The following KDM4C variants were observed in gnomAD, a reference collection of about 807,000 sequenced individuals.
The protein encoded by KDM4C is lysine-specific demethylase 4C.
A neutral mutation model predicts 129.3 loss-of-function variants in KDM4C; 81 were observed. The ratio of observed to expected loss-of-function variants is 0.63; its 90% CI spans 0.52 to 0.75. The LOEUF is 0.75. Among genes scored for constraint, KDM4C ranks in the 30% least tolerant of loss-of-function variants. KDM4C has a pLI of 0.00. For missense variants in KDM4C, 1,457 were observed against 1,304.0 expected (o/e 1.12, Z -1.81); for synonymous variants, 573 against 456.1 (o/e 1.26, Z -3.26).
At chr9:6,811,152 TG>T (rs1321150401) in intron 3 of KDM4C, among the ~76,000 whole-genome samples, 1 of 152,134 alleles carries the variant, frequency 6.6e-6, no homozygotes, top group Non-Finnish European at 1.5e-5. Context: ...GGTTTTCTGC[TG>T]GGCTGTCTTT....
intron 8 of KDM4C, among the ~76,000 whole-genome samples, chr9:6,935,355 C>G (rs1824572978): frequency 6.6e-6 from 1 of 151,830 alleles, no homozygotes; most frequent in South Asian, 2.1e-4. Context: ...GATTTTTATT[C>G]AATTTTTATA....
At chr9:7,016,229 A>G (rs921255205) in intron 15 of KDM4C, among the ~76,000 whole-genome samples, 8 of 150,928 alleles carry the variant, frequency 5.3e-5, no homozygotes, top group Non-Finnish European at 8.9e-5. Flanking sequence ...CCAGGTTCAC[A>G]CCATTCTCCT....
intron 15 of KDM4C, among the ~76,000 whole-genome samples, chr9:7,017,443 C>T (rs1283947620): frequency 6.6e-6 from 1 of 152,102 alleles, no homozygotes; most frequent in Non-Finnish European, 1.5e-5. Context: ...TAAAAATTTA[C>T]CTTACTACTT....
chr9:6,917,189 G>T (rs1046003803), intron 8 of KDM4C, among the ~76,000 whole-genome samples: 2 of 152,142 alleles, frequency 1.3e-5, no homozygotes, highest in Admixed American at 1.3e-4. Context: ...GGCAGCCCCT[G>T]CCTCCCTTAC....
chr9:6,732,587 C>T (rs185860025), intron 1 of KDM4C, among the ~76,000 whole-genome samples: 1 of 152,132 alleles, frequency 6.6e-6, no homozygotes, highest in East Asian at 1.9e-4. Context: ...GGAAGCCAGA[C>T]ATTGTTCATG....
intron 17 of KDM4C, among the ~76,000 whole-genome samples, chr9:7,082,778 C>T (rs954584571): frequency 1.3e-5 from 2 of 152,152 alleles, no homozygotes; most frequent in Non-Finnish European, 2.9e-5. Context: ...TTTTGTCAAG[C>T]ATTTGCAGTA....
intron 5 of KDM4C, among the ~76,000 whole-genome samples, chr9:6,855,116 T>C (rs959439467): frequency 1.3e-5 from 2 of 152,194 alleles, no homozygotes; most frequent in African/African-American, 4.8e-5. Flanking sequence ...ATACATGGCA[T>C]GAAGTGTTTT....
At chr9:7,077,808 A>T (rs1004598331) in intron 17 of KDM4C, among the ~76,000 whole-genome samples, 1 of 152,224 alleles carries the variant, frequency 6.6e-6, no homozygotes, top group South Asian at 2.1e-4. Flanking sequence ...CTACAGAGAA[A>T]GATGTCTATC....
intron 15 of KDM4C, among the ~76,000 whole-genome samples, chr9:7,040,298 CTTCCCTCCCTCCCTCTGTCTCTCT>C (rs1458660987): frequency 1.3e-5 from 2 of 148,636 alleles, no homozygotes. Flanking sequence ...TTTCCCTTTC[CTTCCCTCCCTCCCTCTGTCTCTCT>C]TTCCCTCCCT....
At chr9:6,725,718 T>C (rs1817102656) in intron 1 of KDM4C, among the ~76,000 whole-genome samples, 1 of 148,720 alleles carries the variant, frequency 6.7e-6, no homozygotes, top group Non-Finnish European at 1.5e-5. Context: ...TTTCTTTTTT[T>C]TTTTTTTTTG....
chr9:6,993,956 A>G (rs566415653), intron 12 of KDM4C, among the ~76,000 whole-genome samples: 1 of 144,892 alleles, frequency 6.9e-6, no homozygotes, highest in Non-Finnish European at 1.5e-5. Flanking sequence ...CTTTCTGTTC[A>G]GACCATCATT....
intron 8 of KDM4C, among the ~76,000 whole-genome samples, chr9:6,955,756 G>T (rs1828954321): frequency 6.6e-6 from 1 of 152,130 alleles, no homozygotes; most frequent in South Asian, 2.1e-4. Context: ...CAGTTGTGGA[G>T]AAAAATACAC....
intron 8 of KDM4C, among the ~76,000 whole-genome samples, chr9:6,905,355 C>G (rs980481444): frequency 1.2e-4 from 18 of 152,146 alleles, no homozygotes; most frequent in Non-Finnish European, 2.2e-4. Flanking sequence ...AATTTCCCCT[C>G]AAACTGACTC....
In KDM4C at chr9:6,816,880, G is replaced by A. The variant is rs553640173; in HGVS notation, c.435+2135G>A. Among the ~76,000 whole-genome samples the A allele has an allele frequency of 6.1e-5, 9 of 147,912 alleles. No individual in the cohort carries two copies. In the South Asian group the frequency reaches 1.3e-3, roughly 21 times the overall value. The stretch of plus-strand genomic sequence containing the variant: ...TTTTTTGGCTTAAGTTCCCTTTTCT[G>A]TGGTTTTAGTGATTCTTACTGGTTT... On this transcript the variant is annotated intron_variant, in intron 4 of 21. Coordinates refer to ENST00000381309, the MANE Select transcript of KDM4C (RefSeq NM_015061.6).
At chr9:6,834,286 C>G (rs998997403) in intron 4 of KDM4C, among the ~76,000 whole-genome samples, 4 of 152,122 alleles carry the variant, frequency 2.6e-5, no homozygotes, top group African/African-American at 9.7e-5. Context: ...ATCTGCTCGC[C>G]TTGGCCTCCC....
At chr9:7,030,964 A>AAT (rs1236830885) in intron 15 of KDM4C, among the ~76,000 whole-genome samples, 1 of 152,074 alleles carries the variant, frequency 6.6e-6, no homozygotes, top group Non-Finnish European at 1.5e-5. Context: ...AAAAGCATTT[A>AAT]TTTTACTCTG....
At chr9:6,831,435 C>G (rs556925687) in intron 4 of KDM4C, among the ~76,000 whole-genome samples, 13 of 152,148 alleles carry the variant, frequency 8.5e-5, no homozygotes, top group East Asian at 7.7e-4. Flanking sequence ...CTCCGTCTCC[C>G]TGGATCAAGT....
intron 8 of KDM4C, among the ~76,000 whole-genome samples, chr9:6,922,337 T>A (rs1247902275): frequency 6.6e-6 from 1 of 152,250 alleles, no homozygotes; most frequent in African/African-American, 2.4e-5. Context: ...GTTATAGTCA[T>A]AAGGAAAGCC....
intron 18 of KDM4C, among the ~76,000 whole-genome samples, chr9:7,107,660 G>T (rs1356968719): frequency 6.6e-6 from 1 of 152,186 alleles, no homozygotes; most frequent in Non-Finnish European, 1.5e-5. Context: ...CTCTAGAAAA[G>T]TGTGACATTT....
Sources: gnomAD v4.1 joint callset for allele counts (sites outside exome capture counted in the v4.1 genomes callset) on GRCh38, gnomAD v4.1.1 for gene constraint, MANE v1.5 for transcripts, NCBI Gene and HGNC (gene_info 2026-07-23, HGNC 2026-07-21) for gene names.